VOPP1: variants seen among roughly 807,000 people sequenced by gnomAD.
VOPP1 encodes the protein WW domain binding protein VOPP1.
In VOPP1, 8 loss-of-function variants were observed where a neutral mutation model predicts 23.5. The observed-to-expected ratio is 0.34, with a 90% CI of 0.20 to 0.61. VOPP1 has a LOEUF of 0.61. Ranked by LOEUF, VOPP1 falls within the 20% of genes least tolerant of loss-of-function variation. The probability of loss-of-function intolerance (pLI) is 0.78; values close to 1 mark genes in which losing one functional copy is unlikely to be tolerated. For missense variants in VOPP1, 174 were observed against 238.1 expected (o/e 0.73, Z 1.77); for synonymous variants, 83 against 97.3 (o/e 0.85, Z 0.86).
chr7:55,532,869 T>A (rs922926923), intron 1 of VOPP1, among the ~76,000 whole-genome samples: 15 of 152,228 alleles, frequency 9.9e-5, no homozygotes, highest in African/African-American at 3.6e-4. Flanking sequence ...TCTGGTAATA[T>A]TTAACCTGGA....
chr7:55,451,524 G>A (rs1791243391), intron 4 of VOPP1, among the ~76,000 whole-genome samples: 1 of 152,222 alleles, frequency 6.6e-6, no homozygotes, highest in African/African-American at 2.4e-5. Context: ...GGATGTAGTG[G>A]CTCACGCCTG....
intron 1 of VOPP1, chr7:55,521,769 C>T: frequency 1.0e-6 from 1 of 985,724 alleles, no homozygotes; most frequent in South Asian, 4.7e-5. Context: ...TGGGTGAGTG[C>T]ACACAGGCAT....
chr7:55,529,815 G>T lies in VOPP1; in HGVS notation c.55-8685C>A, dbSNP rs184163061. 3.0e-3 allele frequency among the ~76,000 whole-genome samples: 450 copies of T among 152,204 alleles called. 3 individuals carry two copies. Among genetic ancestry groups the T allele is most frequent in the African/African-American group, 0.01 (416 of 41,528 alleles). ...TCCATAGTCTTGCCTTTGCTATAAG[G>T]TTCAATTAAAGAAAATCATACAACT... On this transcript the variant is annotated intron_variant, in intron 1 of 4. Transcript: ENST00000285279.
In VOPP1 at chr7:55,510,268, G is replaced by A. The variant is rs57048893; in HGVS notation, c.113+10804C>T. Among the ~76,000 whole-genome samples the A allele has an allele frequency of 4.2e-3, 640 of 152,276 alleles. 7 individuals carry two copies. Among genetic ancestry groups the A allele is most frequent in the African/African-American group, 0.015 (620 of 41,564 alleles). ...TTATAACTAATGTCTGAGTCCTCAA[G>A]GCCTTCTTCTGGAGCCTCAGTAAAT... On this transcript the variant is annotated intron_variant, in intron 2 of 4. Transcript: ENST00000285279.
chr7:55,480,883 G>T (rs1792655073), intron 4 of VOPP1, among the ~76,000 whole-genome samples: 1 of 146,470 alleles, frequency 6.8e-6, no homozygotes, highest in Non-Finnish European at 1.5e-5. Flanking sequence ...GAAAATCTCA[G>T]TTCTCACGTT....
At chr7:55,452,060 C>A (rs528171255) in intron 4 of VOPP1, among the ~76,000 whole-genome samples, 1 of 152,292 alleles carries the variant, frequency 6.6e-6, no homozygotes, top group South Asian at 2.1e-4. Context: ...AGTAGGACTT[C>A]TTTCAAAATT....
At chr7:55,564,371 C>T (rs150024510) in intron 1 of VOPP1, among the ~76,000 whole-genome samples, 149 of 152,114 alleles carry the variant, frequency 9.8e-4, no homozygotes, top group African/African-American at 3.5e-3. Context: ...CTTGATGACA[C>T]TCAGATCACA....
At chr7:55,563,490 G>A (rs1330797025) in intron 1 of VOPP1, among the ~76,000 whole-genome samples, 1 of 152,208 alleles carries the variant, frequency 6.6e-6, no homozygotes, top group Non-Finnish European at 1.5e-5. Flanking sequence ...CACAGGTTGA[G>A]TATCCTTTAC....
intron 2 of VOPP1, among the ~76,000 whole-genome samples, chr7:55,500,203 G>A (rs896291471): frequency 5.3e-5 from 8 of 152,144 alleles, no homozygotes; most frequent in African/African-American, 1.9e-4. Flanking sequence ...CCTCTTCAGT[G>A]GGCAGGACCC....
intron 4 of VOPP1, among the ~76,000 whole-genome samples, chr7:55,485,384 A>G (rs1405846474): frequency 6.6e-6 from 1 of 152,262 alleles, no homozygotes; most frequent in African/African-American, 2.4e-5. Context: ...AAAGAAGAGA[A>G]AACATGACAC....
intron 3 of VOPP1, chr7:55,492,773 G>A (rs558843073): frequency 5.7e-6 from 1 of 176,060 alleles, no homozygotes; most frequent in South Asian, 1.9e-4. Context: ...TTAGTTAGAA[G>A]AGGAGATGCC....
At chr7:55,567,952 A>G (rs142277871) in intron 1 of VOPP1, among the ~76,000 whole-genome samples, 1,663 of 152,282 alleles carry the variant, frequency 0.011, 11 homozygotes, top group Middle Eastern at 0.024. Flanking sequence ...AACATAACTC[A>G]GTTCTAATTT....
intron 4 of VOPP1, among the ~76,000 whole-genome samples, chr7:55,458,716 A>C (rs909296750): frequency 6.6e-6 from 1 of 152,042 alleles, no homozygotes; most frequent in African/African-American, 2.4e-5. Context: ...ATGCATCAAA[A>C]TACTACTAAT....
At chr7:55,508,104 T>C (rs1259344604) in intron 2 of VOPP1, among the ~76,000 whole-genome samples, 2 of 152,212 alleles carry the variant, frequency 1.3e-5, no homozygotes, top group Non-Finnish European at 1.5e-5. Flanking sequence ...ATCACTAATA[T>C]TAGCAGACCA....
intron 1 of VOPP1, among the ~76,000 whole-genome samples, chr7:55,529,363 T>G (rs1445333101): frequency 3.6e-5 from 1 of 27,572 alleles, no homozygotes; most frequent in Non-Finnish European, 7.4e-5. Context: ...AGATTCCGTC[T>G]CAAAAAAAAA....
intron 4 of VOPP1, among the ~76,000 whole-genome samples, chr7:55,440,235 C>T (rs1790930193): frequency 6.6e-6 from 1 of 152,176 alleles, no homozygotes; most frequent in Non-Finnish European, 1.5e-5. Context: ...GGGACAAAAG[C>T]TGAGTGGAAA....
At chr7:55,519,047 C>G (rs1433820106) in intron 2 of VOPP1, among the ~76,000 whole-genome samples, 1 of 152,164 alleles carries the variant, frequency 6.6e-6, no homozygotes, top group Non-Finnish European at 1.5e-5. Context: ...ATCATGAGAT[C>G]CGAAGACCTT....
Position 55,449,185 on chromosome 7 carries a change from C to T in VOPP1, n.418-13011G>A, listed in dbSNP as rs147915300. 4.7e-3 allele frequency among the ~76,000 whole-genome samples: 723 copies of T among 152,334 alleles called. 4 individuals are homozygous for T. The highest frequency in any genetic ancestry group is 0.021 in the Middle Eastern group (6 of 292). On this transcript the variant is annotated intron_variant and non_coding_transcript_variant, in intron 4 of 4. Transcript: ENST00000462326. ...GAAGTGCTTGGCAGGTGTCCGCTCC[C>T]GGAGCGCCGCGGGTCCCCTGCTCCT... is the stretch of plus-strand genomic sequence containing the variant.
intron 4 of VOPP1, among the ~76,000 whole-genome samples, chr7:55,485,818 C>T: frequency 6.6e-6 from 1 of 152,256 alleles, no homozygotes; most frequent in East Asian, 1.9e-4. Context: ...TCTTGTTTGG[C>T]CCACATTTTC....
Sources: allele counts gnomAD v4.1 joint callset (sites outside exome capture counted in the v4.1 genomes callset), GRCh38; gene constraint gnomAD v4.1.1; transcripts MANE v1.5; gene names NCBI Gene and HGNC (gene_info 2026-07-23, HGNC 2026-07-21).